The following WDR27 variants were observed in gnomAD, a reference collection of about 807,000 sequenced individuals.
WDR27 encodes the protein WD repeat-containing protein 27.
WDR27 carries 100 observed loss-of-function variants against 114.4 expected under a neutral mutation model. The observed-to-expected ratio is 0.87, with a 90% confidence interval of 0.74 to 1.03. The LOEUF (loss-of-function observed/expected upper bound fraction) is 1.03. WDR27 is among the 50% of genes least tolerant of loss of function. The pLI is 0.00. For synonymous variants in WDR27, 449 were observed against 423.1 expected (o/e 1.06, Z -0.75); for missense variants, 1,129 against 1,092.9 (o/e 1.03, Z -0.47).
the WDR27 span, among the ~76,000 whole-genome samples, chr6:169,428,608 A>AGGGGGGGGGGGGGGG: frequency 7.1e-4 from 81 of 113,992 alleles, no homozygotes; most frequent in African/African-American, 1.3e-3. Flanking sequence ...GGCGGGGGGG[A>AGGGGGGGGGGGGGGG]GGGGGGGGTT....
chr6:169,662,631 A>G (rs1257582011), intron 8 of WDR27, among the ~76,000 whole-genome samples: 1 of 149,956 alleles, frequency 6.7e-6, no homozygotes, highest in Non-Finnish European at 1.5e-5. Flanking sequence ...GGAAAGCACT[A>G]AGGTAACACC....
At chr6:169,553,049 C>G (rs903220910) in intron 25 of WDR27, among the ~76,000 whole-genome samples, 1 of 38,588 alleles carries the variant, frequency 2.6e-5, no homozygotes, top group African/African-American at 8.9e-5. Context: ...TGGGGAGGGC[C>G]TGGAGGGCCT....
At chr6:169,564,710 C>T (rs1225681053) in intron 25 of WDR27, among the ~76,000 whole-genome samples, 1 of 134,648 alleles carries the variant, frequency 7.4e-6, no homozygotes, top group Non-Finnish European at 1.7e-5. Flanking sequence ...TCCCACGAGA[C>T]TCTCAGGCTC....
At chr6:169,685,105 A>C (rs907664916) in intron 2 of WDR27, among the ~76,000 whole-genome samples, 2 of 152,258 alleles carry the variant, frequency 1.3e-5, no homozygotes, top group South Asian at 4.1e-4. Context: ...ACGCTACTAC[A>C]TCCACCTAGA....
At chr6:169,451,245 G>GCCATTTGT in the WDR27 span, among the ~76,000 whole-genome samples, 2 of 152,196 alleles carry the variant, frequency 1.3e-5, no homozygotes, top group African/African-American at 4.8e-5. Flanking sequence ...AAAGAATGCA[G>GCCATTTGT]CCATTTGTCT....
chr6:169,555,674 C>A (rs189625993), intron 25 of WDR27, among the ~76,000 whole-genome samples: 2 of 152,122 alleles, frequency 1.3e-5, no homozygotes, highest in East Asian at 3.9e-4. Flanking sequence ...GTAATGGAGC[C>A]CGTAAGATTA....
chr6:169,566,507 C>T (rs1044564637), intron 25 of WDR27, among the ~76,000 whole-genome samples: 20 of 152,238 alleles, frequency 1.3e-4, no homozygotes, highest in African/African-American at 4.8e-4. Flanking sequence ...AACTATGTCA[C>T]GTGATGAGAA....
intron 25 of WDR27, among the ~76,000 whole-genome samples, chr6:169,503,952 G>C (rs540941635): frequency 6.6e-6 from 1 of 152,066 alleles, no homozygotes; most frequent in Non-Finnish European, 1.5e-5. Context: ...CAACATTCTG[G>C]TTTAAATTAG....
chr6:169,589,456 C>T (rs1033407140), intron 23 of WDR27, among the ~76,000 whole-genome samples: 3 of 152,146 alleles, frequency 2.0e-5, no homozygotes, highest in Non-Finnish European at 4.4e-5. Context: ...GATCAGCTGG[C>T]TCCCATTTGC....
intron 18 of WDR27, 87 bp downstream of exon 18, chr6:169,638,452 T>C (rs1818288509): frequency 6.7e-7 from 1 of 1,497,896 alleles, no homozygotes; most frequent in Non-Finnish European, 9.0e-7. Flanking sequence ...TTTCCTCATC[T>C]CCTGTTAAGG....
In WDR27 at chr6:169,636,428, C is replaced by T; in HGVS notation, c.1946G>A (p.Gly649Asp). The part of the protein sequence containing the change: ...YIDAFILLSS[G>D]PEFQLLRYHI... Reference sequence around the variant, plus strand: ...ATACCTCAGTAGCTGAAATTCAGGGCCAGAAGATAACAATATAAAGGCATC... The same window carrying T: ...ATACCTCAGTAGCTGAAATTCAGGGTCAGAAGATAACAATATAAAGGCATC... The change falls in exon 19 of 26, where the codon GGC becomes GAC. Residue 649 changes from glycine (G) to aspartate (D), a missense_variant. Transcript: ENST00000448612. 2 of 1,613,750 alleles carry T rather than the reference C, an allele frequency of 1.2e-6. No individual in the cohort carries two copies. Among genetic ancestry groups the T allele is most frequent in the Non-Finnish European group, 1.7e-6 (2 of 1,179,828 alleles).
chr6:169,646,473 G>A (rs545284761), intron 16 of WDR27, among the ~76,000 whole-genome samples: 2 of 152,278 alleles, frequency 1.3e-5, no homozygotes, highest in African/African-American at 2.4e-5. Context: ...AGAGCTGGGC[G>A]CAGCGGCTCA....
At position 169,641,665 on chromosome 6, in the gene WDR27, G is replaced by A. The variant is rs550269212; in HGVS notation, c.1747+2032C>T. Among the ~76,000 whole-genome samples, 6 of 152,200 alleles carry A rather than the reference G, an allele frequency of 3.9e-5. No individual in the cohort carries two copies. In the East Asian group the frequency reaches 5.8e-4, roughly 15 times the overall value. On this transcript the variant is annotated intron_variant, in intron 17 of 25. Transcript: ENST00000448612. The stretch of plus-strand genomic sequence containing the variant: ...AGGAGCAGAGCAGAAGCCACTCGGC[G>A]CAGCTCGAGCCAACCAAGAGCTCGG...
At chr6:169,552,061 C>T (rs965944145) in intron 25 of WDR27, among the ~76,000 whole-genome samples, 1 of 152,122 alleles carries the variant, frequency 6.6e-6, no homozygotes, top group Non-Finnish European at 1.5e-5. Context: ...GGGGTCTGGG[C>T]CCCACTGCCC....
chr6:169,634,586 T>C (rs1156698663), intron 19 of WDR27, 61 bp from the exon 20 acceptor site: 21 of 1,050,214 alleles, frequency 2.0e-5, no homozygotes, highest in Non-Finnish European at 2.8e-5. Flanking sequence ...ACTAAACACC[T>C]TATCTTTAAA....
In WDR27 at chr6:169,659,507, G is replaced by A. The variant is rs1484097301; in HGVS notation, c.1141C>T (p.Leu381Phe). The A allele has an allele frequency of 6.2e-7, 1 of 1,609,550 alleles. No homozygotes were observed. Among genetic ancestry groups the A allele is most frequent in the South Asian group, 1.1e-5 (1 of 89,976 alleles). Reference sequence around the variant, plus strand: ...CACGATCCGGCCAGCAGGATGCTGAGGCTCTGGAAATCTTCAGTTGAGCGA... The same window carrying A: ...CACGATCCGGCCAGCAGGATGCTGAAGCTCTGGAAATCTTCAGTTGAGCGA... Reference protein sequence around the residue: ...AALYYKDFQSLSILLAGSCAL... With the variant: ...AALYYKDFQSFSILLAGSCAL... Residue 381 changes from leucine to phenylalanine, a missense_variant, in exon 11 of 26, where the codon CTC becomes TTC. Physicochemically the swap from Leu to Phe is conservative, Grantham distance 22. Transcript: ENST00000448612. This position sits in a 1 kb window ranked among gnomAD's most constrained non-coding sequence, Gnocchi z 4.3.
At chr6:169,611,142 A>G (rs1379448333) in intron 22 of WDR27, among the ~76,000 whole-genome samples, 3 of 152,150 alleles carry the variant, frequency 2.0e-5, no homozygotes, top group Non-Finnish European at 2.9e-5. Context: ...TGCTCTGAGT[A>G]AGTCACTGAG....
intron 25 of WDR27, among the ~76,000 whole-genome samples, chr6:169,472,734 C>T (rs1786597607): frequency 6.6e-6 from 1 of 152,124 alleles, no homozygotes. Flanking sequence ...CCTGTGTGAG[C>T]ATTATTATTC....
chr6:169,496,777 G>C (rs1402788005), intron 25 of WDR27, among the ~76,000 whole-genome samples: 1 of 152,056 alleles, frequency 6.6e-6, no homozygotes, highest in Non-Finnish European at 1.5e-5. Flanking sequence ...AAACATTGCT[G>C]CAACAAAATT....
Sources: gnomAD v4.1 joint callset for allele counts (sites outside exome capture counted in the v4.1 genomes callset) on GRCh38, gnomAD v4.1.1 for gene constraint, Gnocchi (gnomAD v3.1) non-coding constraint, MANE v1.5 for transcripts, NCBI Gene and HGNC (gene_info 2026-07-23, HGNC 2026-07-21) for gene names.